Variants in COL16A1 observed in about 807,000 individuals in gnomAD.
COL16A1 encodes the protein collagen alpha-1(XVI) chain.
In COL16A1, 189 loss-of-function variants were observed where a neutral mutation model predicts 266.3. The ratio of observed to expected loss-of-function variants is 0.71; its 90% confidence interval spans 0.63 to 0.80. COL16A1 has a LOEUF of 0.80. COL16A1 is among the 30% of genes least tolerant of loss of function. The probability of loss-of-function intolerance (pLI) is 0.00; values close to 1 mark genes in which losing one functional copy is unlikely to be tolerated. For missense variants in COL16A1, 1,928 were observed against 2,122.4 expected (o/e 0.91, Z 1.80); for synonymous variants, 740 against 782.3 (o/e 0.95, Z 0.90).
chr1:31,663,929 G>A lies in COL16A1; in HGVS notation c.3555+1243C>T, dbSNP rs1436576989. 6.6e-6 allele frequency among the ~76,000 whole-genome samples: 1 copy of A among 152,122 alleles called. No homozygotes were observed. The highest frequency in any genetic ancestry group is 1.5e-5 in the Non-Finnish European group (1 of 68,012). ...GGGTGGCTGCCCTGGATCAGTGGCT[G>A]TAGGGTGGTCAAGGGAAGGAATCCC... On this transcript the variant is annotated intron_variant, in intron 56 of 70. Coordinates refer to ENST00000373672, the MANE Select transcript of COL16A1 (RefSeq NM_001856.4). This position sits in a 1 kb window ranked among gnomAD's most constrained non-coding sequence, Gnocchi z 4.9.
intron 42 of COL16A1, chr1:31,679,399 G>A: frequency 2.0e-6 from 3 of 1,529,204 alleles, no homozygotes; most frequent in Non-Finnish European, 2.6e-6. Context: ...GTGGGTGCCT[G>A]ACAGCTGACG....
In COL16A1 at chr1:31,688,701, C is replaced by T; in HGVS notation, c.1767+160G>A. 1 of 1,065,258 alleles carries T rather than the reference C, an allele frequency of 9.4e-7. No homozygotes were observed. Among genetic ancestry groups the T allele is most frequent in the Non-Finnish European group, 1.4e-6 (1 of 721,000 alleles). 66.0% of individuals were successfully genotyped at this position (1,065,258 alleles called of 1,614,324 possible). On this transcript the variant is annotated intron_variant, in intron 25 of 70. Transcript: ENST00000373672. The surrounding 1 kb of genome is among the most constrained non-coding windows in gnomAD (Gnocchi z 4.9). Reference sequence around the variant, plus strand: ...CCAGGGCAAGGAGCCTGGGGCAGCACAGGGACGGAGGGAGGGACCAGGAGA... The same window carrying T: ...CCAGGGCAAGGAGCCTGGGGCAGCATAGGGACGGAGGGAGGGACCAGGAGA...
intron 9 of COL16A1, 27 bp downstream of exon 9, chr1:31,696,061 G>A (rs774114685): frequency 1.9e-6 from 3 of 1,595,930 alleles, no homozygotes; most frequent in East Asian, 4.5e-5. Flanking sequence ...AGGGCAGGTA[G>A]GCTCCTCCCC....
intron 2 of COL16A1, among the ~76,000 whole-genome samples, chr1:31,700,669 G>C (rs1244978577): frequency 6.6e-6 from 1 of 152,202 alleles, no homozygotes; most frequent in African/African-American, 2.4e-5. Flanking sequence ...TGTGCAGCTG[G>C]CACACGTGTT....
Position 31,697,259 on chromosome 1 carries a change from G to A in COL16A1, c.699C>T (p.Leu233=), listed in dbSNP as rs777800786. ...QQVHIYCDPE[L]VLEEGCCEIL... ...TCTCACAGCAGCCCTCCTCCAGCACGAGCTCCGGGTCACAGTAGATGTGCA... is the reference window on the plus strand; with the variant it reads ...TCTCACAGCAGCCCTCCTCCAGCACAAGCTCCGGGTCACAGTAGATGTGCA... Residue 233 remains leucine, a synonymous_variant, in exon 7 of 71, where the codon CTC becomes CTT. Coordinates refer to ENST00000373672, the MANE Select transcript of COL16A1 (RefSeq NM_001856.4). This position sits in a 1 kb window ranked among gnomAD's most constrained non-coding sequence, Gnocchi z 4.2. 69 of 1,612,726 alleles carry A rather than the reference G, an allele frequency of 4.3e-5. No individual in the cohort carries two copies. In the Admixed American group the frequency reaches 5.3e-4, roughly 12 times the overall value.
At chr1:31,658,665 G>T in intron 63 of COL16A1, 88 bp from the exon 64 acceptor site, 1 of 1,261,966 alleles carries the variant, frequency 7.9e-7, no homozygotes, top group Non-Finnish European at 1.1e-6. Context: ...CCCATCGTGT[G>T]CCAGGGACTA....
chr1:31,701,961 A>T (rs1362069190), intron 2 of COL16A1, among the ~76,000 whole-genome samples, 160 bp downstream of exon 2: 1 of 152,066 alleles, frequency 6.6e-6, no homozygotes, highest in Non-Finnish European at 1.5e-5. Flanking sequence ...ACACAGGCTC[A>T]AGGGTGCCAA....
intron 37 of COL16A1, among the ~76,000 whole-genome samples, chr1:31,681,808 T>G (rs1643662698): frequency 6.6e-6 from 1 of 152,242 alleles, no homozygotes; most frequent in Non-Finnish European, 1.5e-5. Context: ...CCTGAGGACC[T>G]GGCCCACATC....
intron 10 of COL16A1, 35 bp downstream of exon 10, chr1:31,695,726 C>T (rs776277056): frequency 1.2e-6 from 2 of 1,610,510 alleles, no homozygotes; most frequent in East Asian, 2.2e-5. Context: ...TTCATGCTGG[C>T]ACCTCCCCTG....
At chr1:31,671,501 G>T in intron 48 of COL16A1, 114 bp downstream of exon 48, 1 of 1,337,200 alleles carries the variant, frequency 7.5e-7, no homozygotes, top group Non-Finnish European at 1.1e-6. Context: ...GGCAGTGGAA[G>T]TTCCCTCCTC....
Position 31,686,507 on chromosome 1 carries a change from T to A in COL16A1, c.1804-228A>T, listed in dbSNP as rs571078383. On this transcript the variant is annotated intron_variant, in intron 26 of 70. Coordinates refer to ENST00000373672, the MANE Select transcript of COL16A1 (RefSeq NM_001856.4). ...TCACCTCATGGAATCCAGCCCACCC[T>A]CAGCCATGTCTCAGCACACAAAAAT... 8 of 687,004 alleles carry A rather than the reference T, an allele frequency of 1.2e-5. No individual in the cohort carries two copies. In the East Asian group the frequency reaches 2.2e-4, roughly 19 times the overall value. The allele number at this position is 687,004 out of a possible 1,614,324, so 42.6% of individuals were successfully genotyped here.
chr1:31,686,407 A>AGCCCTCTTCCTCTCT, intron 26 of COL16A1, 128 bp from the exon 27 acceptor site: 1 of 1,321,258 alleles, frequency 7.6e-7, no homozygotes, highest in Non-Finnish European at 1.1e-6. Flanking sequence ...CCAGAGAGGA[A>AGCCCTCTTCCTCTCT]GAGGGCTTTC....
chr1:31,683,692 G>A lies in COL16A1; in HGVS notation c.2379+15C>T. The stretch of plus-strand genomic sequence containing the variant: ...AGTGCTGAGAGGACAGGCAAAGGCA[G>A]GGCTAGAGACTCACCTGGGGTCCCT... On this transcript the variant is annotated intron_variant, in intron 34 of 70. Coordinates refer to ENST00000373672, the MANE Select transcript of COL16A1 (RefSeq NM_001856.4). 1 of 1,614,132 alleles carries A rather than the reference G, an allele frequency of 6.2e-7. No homozygotes were observed. The highest frequency in any genetic ancestry group is 2.2e-5 in the East Asian group (1 of 44,886).
At chr1:31,671,707 G>C (rs2148711151) in intron 47 of COL16A1, 48 bp from the exon 48 acceptor site, 1 of 1,611,262 alleles carries the variant, frequency 6.2e-7, no homozygotes, top group Non-Finnish European at 8.5e-7. Flanking sequence ...AGGCCCCATA[G>C]AGCCCCTGGG....
At chr1:31,682,014 AC>A (rs11310373) in intron 37 of COL16A1, among the ~76,000 whole-genome samples, 90,092 of 151,988 alleles carry the variant, frequency 0.59, 26,903 homozygotes, top group Middle Eastern at 0.62. Context: ...GATACAGTTC[AC>A]CTGGGCTATT....
rs560168255 is a variant in COL16A1 at position 31,665,372 on chromosome 1, C to T, written c.3493-138G>A. ...CTAGAAGCACCACTTGGGAGCATTA[C>T]GTCTGCCTGGCCTGCTGGGCTGGGG... On this transcript the variant is annotated intron_variant, in intron 55 of 70. Coordinates refer to ENST00000373672, the MANE Select transcript of COL16A1 (RefSeq NM_001856.4). 73 of 1,425,848 alleles carry T rather than the reference C, an allele frequency of 5.1e-5. No individual in the cohort carries two copies. In the Admixed American group the frequency reaches 1.1e-3, roughly 21 times the overall value. The allele number at this position is 1,425,848 out of a possible 1,614,324, so 88.3% of individuals were successfully genotyped here.
In COL16A1 at chr1:31,666,040, T is replaced by C; in HGVS notation, c.3399A>G (p.Pro1133=). 1 of 1,613,960 alleles carries C rather than the reference T, an allele frequency of 6.2e-7. No individual in the cohort carries two copies. The change falls in exon 53 of 71, where the codon CCA becomes CCG. Residue 1133 remains proline, a synonymous_variant. Coordinates refer to ENST00000373672, the MANE Select transcript of COL16A1 (RefSeq NM_001856.4). Reference sequence around the variant, plus strand: ...CCCCATGCCCTCCTTCACTCACCGCTGGGCCTGGGGGGCCTGGGAGGCCTT... The same window carrying C: ...CCCCATGCCCTCCTTCACTCACCGCCGGGCCTGGGGGGCCTGGGAGGCCTT... ...GSEGLPGPPG[P]AGPRGERGPQ... is the part of the protein sequence containing the mutation.
intron 64 of COL16A1, 60 bp downstream of exon 64, chr1:31,658,428 C>A (rs1175960430): frequency 3.6e-6 from 5 of 1,380,630 alleles, no homozygotes; most frequent in African/African-American, 1.4e-5. Flanking sequence ...CTGTGCTCAA[C>A]AGGCCTTGAG....
At chr1:31,661,318 T>C (rs1641641617) in intron 60 of COL16A1, 96 bp downstream of exon 60, 3 of 1,590,682 alleles carry the variant, frequency 1.9e-6, no homozygotes, top group Non-Finnish European at 2.6e-6. Flanking sequence ...GATGCTGGGA[T>C]GGCCTCTCTG....
Sources: allele counts gnomAD v4.1 joint callset (sites outside exome capture counted in the v4.1 genomes callset), GRCh38; gene constraint gnomAD v4.1.1; non-coding constraint Gnocchi (gnomAD v3.1); transcripts MANE v1.5; gene names NCBI Gene and HGNC (gene_info 2026-07-23, HGNC 2026-07-21).